Variants in ELMO2 observed in about 807,000 individuals in gnomAD.
ELMO2 encodes the protein engulfment and cell motility 2.
ELMO2 carries 37 observed loss-of-function variants against 96.2 expected under a neutral mutation model. The observed-to-expected ratio is 0.38, with a 90% CI of 0.30 to 0.51. ELMO2 has a LOEUF of 0.51. ELMO2 is among the 20% of genes least tolerant of loss of function. ELMO2 has a pLI of 0.88. For synonymous variants in ELMO2, 315 were observed against 329.4 expected (o/e 0.96, Z 0.47); for missense variants, 561 against 912.6 (o/e 0.61, Z 4.96).
chr20:46,370,364 T>G (rs1325677406), intron 20 of ELMO2, 79 bp downstream of exon 20: 1 of 1,259,400 alleles, frequency 7.9e-7, no homozygotes, highest in African/African-American at 1.5e-5. Context: ...ATGCCAAGAA[T>G]GCACCTGGAA....
chr20:46,371,750 G>C lies in ELMO2; in HGVS notation c.1580+56C>G. On this transcript the variant is annotated intron_variant, in intron 17 of 21. Transcript: ENST00000290246. The surrounding 1 kb of genome is among the most constrained non-coding windows in gnomAD (Gnocchi z 5.9). ...TCATGGGGACAGTGGAGCTCTGGAAGGAAAGCAGAGCTGGCAGCCACCTCC... is the reference window on the plus strand; with the variant it reads ...TCATGGGGACAGTGGAGCTCTGGAACGAAAGCAGAGCTGGCAGCCACCTCC... 1 of 1,613,500 alleles carries C rather than the reference G, an allele frequency of 6.2e-7. No homozygotes were observed. The highest frequency in any genetic ancestry group is 8.5e-7 in the Non-Finnish European group (1 of 1,179,444).
chr20:46,390,884 C>T (rs527237682), intron 6 of ELMO2: 1 of 152,392 alleles, frequency 6.6e-6, no homozygotes, highest in African/African-American at 2.4e-5. Context: ...AATACAGAAG[C>T]CCTCGCTATC....
At chr20:46,368,426 T>C (rs1318225442) in intron 21 of ELMO2, among the ~76,000 whole-genome samples, 1 of 151,920 alleles carries the variant, frequency 6.6e-6, no homozygotes, top group African/African-American at 2.4e-5. Context: ...CAGGAGCCCC[T>C]AGGAGGAAGG....
chr20:46,373,663 G>A (rs1056793414), intron 15 of ELMO2, 128 bp from the exon 16 acceptor site: 1 of 1,181,806 alleles, frequency 8.5e-7, no homozygotes, highest in Non-Finnish European at 1.2e-6. Flanking sequence ...TTAACAGGGA[G>A]CGTGGGATGG....
chr20:46,385,203 C>T (rs1365099861), intron 9 of ELMO2, among the ~76,000 whole-genome samples: 1 of 152,148 alleles, frequency 6.6e-6, no homozygotes, highest in Non-Finnish European at 1.5e-5. Context: ...GAACAACAGT[C>T]AGAAGAGAAT....
intron 1 of ELMO2, among the ~76,000 whole-genome samples, chr20:46,403,903 G>C (rs940703442): frequency 2.0e-5 from 3 of 152,144 alleles, no homozygotes; most frequent in Non-Finnish European, 4.4e-5. Flanking sequence ...GGCCAACATG[G>C]TGAAACCCCG....
At chr20:46,384,892 T>C (rs2060015087) in intron 9 of ELMO2, among the ~76,000 whole-genome samples, 1 of 151,848 alleles carries the variant, frequency 6.6e-6, no homozygotes, top group Non-Finnish European at 1.5e-5. Flanking sequence ...CGCTTGAGCC[T>C]GCAGTGAGTT....
chr20:46,373,369 T>G lies in ELMO2; in HGVS notation c.1416+30A>C, dbSNP rs777309404. 3.1e-6 allele frequency: 5 copies of G among 1,613,012 alleles called. No homozygotes were observed. The South Asian group carries it at 3.3e-5, about 11-fold the overall frequency. On this transcript the variant is annotated intron_variant, in intron 16 of 21. Coordinates refer to ENST00000290246, the MANE Select transcript of ELMO2 (RefSeq NM_133171.5). ...GCTGTCGTGTGATGGTCTCCTCCCGTGGGCCTCAGAGCAGCCCGGAGACAC... is the reference window on the plus strand; with the variant it reads ...GCTGTCGTGTGATGGTCTCCTCCCGGGGGCCTCAGAGCAGCCCGGAGACAC...
intron 2 of ELMO2, among the ~76,000 whole-genome samples, chr20:46,394,823 G>GT (rs1439381639): frequency 6.6e-6 from 1 of 152,252 alleles, no homozygotes; most frequent in Admixed American, 6.5e-5. Context: ...GTAGAGGAAT[G>GT]TATTTACTGC....
At chr20:46,383,382 C>G in intron 10 of ELMO2, 34 bp downstream of exon 10, 1 of 1,590,012 alleles carries the variant, frequency 6.3e-7, no homozygotes. Flanking sequence ...CTCAGAAGAG[C>G]CCAGATGAAA....
chr20:46,406,303 C>A (rs183521491), intron 1 of ELMO2, among the ~76,000 whole-genome samples: 1 of 152,092 alleles, frequency 6.6e-6, no homozygotes, highest in Non-Finnish European at 1.5e-5. Flanking sequence ...TCTTCCGCCA[C>A]GCGACGCCCC....
chr20:46,384,050 G>T (rs3848681), intron 9 of ELMO2, among the ~76,000 whole-genome samples: 1 of 152,014 alleles, frequency 6.6e-6, no homozygotes, highest in Non-Finnish European at 1.5e-5. Context: ...AATGTTCAAG[G>T]TGTATTATTC....
At chr20:46,386,006 A>C (rs2060034194) in intron 9 of ELMO2, 118 bp downstream of exon 9, 8 of 1,190,874 alleles carry the variant, frequency 6.7e-6, no homozygotes, top group Middle Eastern at 2.1e-4. Context: ...TGATGAATGA[A>C]GAAGCCAACC....
rs2060264252 is a variant in ELMO2 at position 46,397,393 on chromosome 20, G to A, written c.-51+1304C>T. On this transcript the variant is annotated intron_variant, in intron 2 of 21. Coordinates refer to ENST00000290246, the MANE Select transcript of ELMO2 (RefSeq NM_133171.5). The stretch of plus-strand genomic sequence containing the variant: ...GAATTTAAAAGACAGAGACTGGCTG[G>A]GCGTGGTGGCTCATGTCTATAATCG... Among the ~76,000 whole-genome samples, 4 of 152,310 alleles carry A rather than the reference G, an allele frequency of 2.6e-5. No individual in the cohort carries two copies. In the South Asian group the frequency reaches 6.2e-4, roughly 24 times the overall value.
chr20:46,375,278 G>T lies in ELMO2; in HGVS notation c.1023C>A (p.Arg341=). ...SNAPGSGTEK[R]KAMYTKDYKM... ...TGTAGTCCTTTGTGTACATGGCTTT[G>T]CGTTTTTCGGTCCCACTCCCAGGGG... Residue 341 remains arginine, a synonymous_variant, in exon 13 of 22, where the codon CGC becomes CGA. Transcript: ENST00000290246. This position sits in a 1 kb window ranked among gnomAD's most constrained non-coding sequence, Gnocchi z 4.6. The T allele has an allele frequency of 6.2e-7, 1 of 1,614,144 alleles. No homozygotes were observed. Among genetic ancestry groups the T allele is most frequent in the East Asian group, 2.2e-5 (1 of 44,884 alleles).
rs1380489535 is a variant in ELMO2 at position 46,371,463 on chromosome 20, G to C, written c.1694-4C>G. 1 of 1,614,214 alleles carries C rather than the reference G, an allele frequency of 6.2e-7. No individual in the cohort carries two copies. The highest frequency in any genetic ancestry group is 8.5e-7 in the Non-Finnish European group (1 of 1,180,040). On this transcript the variant is annotated splice_polypyrimidine_tract_variant and splice_region_variant and intron_variant, in intron 18 of 21. Coordinates refer to ENST00000290246, the MANE Select transcript of ELMO2 (RefSeq NM_133171.5). The surrounding 1 kb of genome is among the most constrained non-coding windows in gnomAD (Gnocchi z 5.9). ...AACCGGCAGTACCAGAACCGTTCTGGAACACAAGGGAAGCCAAACAGGTGA... is the reference window on the plus strand; with the variant it reads ...AACCGGCAGTACCAGAACCGTTCTGCAACACAAGGGAAGCCAAACAGGTGA...
intron 16 of ELMO2, chr20:46,373,084 C>T (rs1041360124): frequency 1.4e-5 from 4 of 287,922 alleles, no homozygotes; most frequent in African/African-American, 6.5e-5. Context: ...AGTACCTGCA[C>T]AGTAAGCACT....
At chr20:46,374,293 C>G in intron 15 of ELMO2, 39 bp downstream of exon 15, 1 of 1,542,220 alleles carries the variant, frequency 6.5e-7, no homozygotes, top group Non-Finnish European at 8.9e-7. Flanking sequence ...CTCTTGATGA[C>G]AAGGAATGGC....
chr20:46,378,712 C>T (rs1436509726), intron 11 of ELMO2, among the ~76,000 whole-genome samples: 1 of 152,210 alleles, frequency 6.6e-6, no homozygotes, highest in African/African-American at 2.4e-5. Context: ...TTCTTCAATC[C>T]TATCACCTCT....
Sources: allele counts gnomAD v4.1 joint callset (sites outside exome capture counted in the v4.1 genomes callset), GRCh38; gene constraint gnomAD v4.1.1; non-coding constraint Gnocchi (gnomAD v3.1); transcripts MANE v1.5; gene names NCBI Gene and HGNC (gene_info 2026-07-23, HGNC 2026-07-21).